LMAN1L: variants seen among roughly 807,000 people sequenced by gnomAD.
LMAN1L encodes the protein lectin, mannose binding 1 like, also known as protein ERGIC-53-like.
A neutral mutation model predicts 58.3 loss-of-function variants in LMAN1L; 60 were observed. That is an observed-to-expected ratio of 1.03 (90% confidence interval 0.84 to 1.27). The LOEUF is 1.27. Among genes scored for constraint, LMAN1L ranks in the 50% most tolerant of loss-of-function variants. The pLI, the probability that LMAN1L is intolerant of heterozygous loss-of-function variation, is 0.00. For missense variants in LMAN1L, 629 were observed against 674.0 expected (o/e 0.93, Z 0.74); for synonymous variants, 280 against 271.6 (o/e 1.03, Z -0.31).
In LMAN1L at chr15:74,816,423, G is replaced by T; in HGVS notation, c.331-4G>T. 2.6e-6 allele frequency: 4 copies of T among 1,563,412 alleles called. No individual in the cohort carries two copies. Among genetic ancestry groups the T allele is most frequent in the Non-Finnish European group, 3.5e-6 (4 of 1,151,212 alleles). Reference sequence around the variant, plus strand: ...CCCTGAGCTGAGGGGCTGGGGACCTGCAGGCCGTGTGGTACACCCGGGGCA... The same window carrying T: ...CCCTGAGCTGAGGGGCTGGGGACCTTCAGGCCGTGTGGTACACCCGGGGCA... On this transcript the variant is annotated splice_polypyrimidine_tract_variant and splice_region_variant and intron_variant, in intron 2 of 13. Coordinates refer to ENST00000309664, the MANE Select transcript of LMAN1L (RefSeq NM_021819.3).
At chr15:74,824,670 C>A (rs567518992) in intron 13 of LMAN1L, 192 bp downstream of exon 13, 3 of 607,804 alleles carry the variant, frequency 4.9e-6, no homozygotes, top group South Asian at 4.5e-5. Context: ...CGGCCCCCAG[C>A]CCCATCTGGG....
At chr15:74,816,753 C>G (rs182868784) in intron 4 of LMAN1L, 63 bp downstream of exon 4, 3 of 1,485,834 alleles carry the variant, frequency 2.0e-6, no homozygotes, top group African/African-American at 1.4e-5. Context: ...CCCATCCCCC[C>G]CATCCGAGCC....
chr15:74,820,390 C>CA (rs2063910873), intron 7 of LMAN1L: 2 of 628,472 alleles, frequency 3.2e-6, no homozygotes, highest in East Asian at 5.4e-5. Context: ...GCCAGGGGGT[C>CA]AAGGAAGGCT....
At chr15:74,824,297 C>T in intron 12 of LMAN1L, 54 bp from the exon 13 acceptor site, 1 of 1,569,376 alleles carries the variant, frequency 6.4e-7, no homozygotes, top group South Asian at 1.1e-5. Flanking sequence ...TTCCAGGTCC[C>T]CCACTCCTTC....
chr15:74,813,163 CACCCCAGGACCCCTTCCAGG>C, intron 1 of LMAN1L, 134 bp downstream of exon 1: 1 of 936,354 alleles, frequency 1.1e-6, no homozygotes, highest in Non-Finnish European at 1.6e-6. Context: ...CAGTGCCAGG[CACCCCAGGACCCCTTCCAGG>C]CTTGTCTCCT....
Position 74,818,777 on chromosome 15 carries a change from C to T in LMAN1L, c.557C>T (p.Pro186Leu). The T allele has an allele frequency of 1.2e-6, 2 of 1,611,972 alleles. No individual in the cohort carries two copies. The highest frequency in any genetic ancestry group is 1.7e-6 in the Non-Finnish European group (2 of 1,179,346). ...TGGGACTTCCGGAACCGGCCACACC[C>T]CTTCAGAGCACGGATCACCTACTGG... is the stretch of plus-strand genomic sequence containing the variant. ...CHWDFRNRPH[P>L]FRARITYWGQ... Residue 186 changes from proline to leucine, a missense_variant, in exon 5 of 14, where the codon CCC (proline) becomes CTC (leucine). Coordinates refer to ENST00000309664, the MANE Select transcript of LMAN1L (RefSeq NM_021819.3).
In LMAN1L at chr15:74,824,285, G is replaced by C. The variant is rs934051981; in HGVS notation, c.1324-66G>C. On this transcript the variant is annotated intron_variant, in intron 12 of 13. Transcript: ENST00000309664. ...GGAAACGGAGCATGCACATGGCCTA[G>C]ATTCCAGGTCCCCCACTCCTTCTGG... is the stretch of plus-strand genomic sequence containing the variant. 3.3e-6 allele frequency: 5 copies of C among 1,503,354 alleles called. No homozygotes were observed. In the African/African-American group the frequency reaches 6.9e-5, roughly 21 times the overall value. 93.1% of individuals were successfully genotyped at this position (1,503,354 alleles called of 1,614,324 possible). A position where few individuals can be genotyped will look rare whatever the true frequency, so the allele number is the denominator to read the frequency against.
intron 7 of LMAN1L, 56 bp from the exon 8 acceptor site, chr15:74,820,579 C>T (rs1010745108): frequency 1.2e-6 from 2 of 1,609,528 alleles, no homozygotes; most frequent in Admixed American, 3.3e-5. Flanking sequence ...GAAGGCTCCC[C>T]TTGCTTCTGG....
At chr15:74,815,383 G>T (rs2063886059) in intron 1 of LMAN1L, among the ~76,000 whole-genome samples, 1 of 152,220 alleles carries the variant, frequency 6.6e-6, no homozygotes, top group African/African-American at 2.4e-5. Flanking sequence ...GCGAGCTCGA[G>T]TAGGGCCTCT....
chr15:74,819,163 C>T lies in LMAN1L; in HGVS notation c.609C>T (p.Asn203=). 2 of 1,612,370 alleles carry T rather than the reference C, an allele frequency of 1.2e-6. No individual in the cohort carries two copies. The highest frequency in any genetic ancestry group is 1.1e-5 in the South Asian group (1 of 90,854). Residue 203 remains asparagine, a synonymous_variant, in exon 6 of 14, where the codon AAC becomes AAT. Coordinates refer to ENST00000309664, the MANE Select transcript of LMAN1L (RefSeq NM_021819.3). ...YWGQRLRMSL[N]SGLTPSDPGE... ...TCCATGTCCCTCAGATGTCCTTGAA[C>T]AGTGGCCTCACTCCCAGTGATCCAG...
intron 6 of LMAN1L, chr15:74,819,640 T>C (rs1159613406): frequency 4.2e-6 from 2 of 472,748 alleles, no homozygotes; most frequent in Admixed American, 3.5e-5. Flanking sequence ...AGTCCTTGAA[T>C]GCCAGGACCT....
In LMAN1L at chr15:74,816,122, G is replaced by A. The variant is rs149542714; in HGVS notation, c.176-35G>A. On this transcript the variant is annotated intron_variant, in intron 1 of 13. Coordinates refer to ENST00000309664, the MANE Select transcript of LMAN1L (RefSeq NM_021819.3). ...AGAGTGAAGGGGGAGATGGGGTGTA[G>A]TGGAGCCTGGGGCTTGAGCTGCCCT... The A allele has an allele frequency of 4.5e-4, 686 of 1,535,880 alleles. 4 individuals carry two copies. The African/African-American group carries it at 4.7e-3, about 10-fold the overall frequency.
intron 12 of LMAN1L, 62 bp from the exon 13 acceptor site, chr15:74,824,288 TC>T: frequency 6.6e-7 from 1 of 1,520,590 alleles, no homozygotes; most frequent in Non-Finnish European, 9.0e-7. Context: ...TGGCCTAGAT[TC>T]CAGGTCCCCC....
intron 1 of LMAN1L, chr15:74,813,506 A>T: frequency 2.2e-6 from 1 of 456,418 alleles, no homozygotes; most frequent in South Asian, 1.5e-5. Flanking sequence ...CCTTCCCTGT[A>T]TGTGTGTTGT....
In LMAN1L at chr15:74,820,649, C is replaced by A. The variant is rs2063912295; in HGVS notation, c.789C>A (p.Pro263=). The A allele has an allele frequency of 6.2e-7, 1 of 1,613,938 alleles. No homozygotes were observed. Among genetic ancestry groups the A allele is most frequent in the African/African-American group, 1.3e-5 (1 of 74,910 alleles). ...TCCTCCCCTAGGTTCCCCCTCAGCC[C>A]TTCCTGGAGATGCAGCAGCTCCGCC... ...SEPSPEVPPQ[P]FLEMQQLRLA... The change falls in exon 8 of 14, where the codon CCC becomes CCA. Residue 263 remains proline (P), a synonymous_variant. Transcript: ENST00000309664.
At position 74,822,686 on chromosome 15, in the gene LMAN1L, G is replaced by C; in HGVS notation, c.1176G>C (p.Leu392=). 6.2e-7 allele frequency: 1 copy of C among 1,614,060 alleles called. No individual in the cohort carries two copies. The highest frequency in any genetic ancestry group is 8.5e-7 in the Non-Finnish European group (1 of 1,179,968). ...VGALLHGQWT[L]LQALQEMRDA... ...CCCTGCTCCATGGACAGTGGACTCT[G>C]CTCCAGGCCCTGCAAGAGATGAGGT... is the stretch of plus-strand genomic sequence containing the variant. The change falls in exon 11 of 14, where the codon CTG becomes CTC. Residue 392 remains leucine (L), a synonymous_variant. Transcript: ENST00000309664.
chr15:74,814,846 G>T (rs1417854037), intron 1 of LMAN1L, among the ~76,000 whole-genome samples: 1 of 152,166 alleles, frequency 6.6e-6, no homozygotes, highest in East Asian at 1.9e-4. Flanking sequence ...CTGTCAGTAG[G>T]GTTTCTTCCA....
At chr15:74,821,367 G>A (rs1596379862) in intron 9 of LMAN1L, 141 bp downstream of exon 9, 2 of 1,050,568 alleles carry the variant, frequency 1.9e-6, no homozygotes, top group African/African-American at 1.6e-5. Context: ...GGATGGGGCA[G>A]GGCAGCATGC....
chr15:74,820,869 G>A, intron 8 of LMAN1L, 102 bp downstream of exon 8: 1 of 1,477,870 alleles, frequency 6.8e-7, no homozygotes, highest in Non-Finnish European at 9.1e-7. Flanking sequence ...ACTGAGGCCT[G>A]AGGAGGCCAC....
Sources: gnomAD v4.1 joint callset for allele counts (sites outside exome capture counted in the v4.1 genomes callset) on GRCh38, gnomAD v4.1.1 for gene constraint, MANE v1.5 for transcripts, NCBI Gene and HGNC (gene_info 2026-07-23, HGNC 2026-07-21) for gene names.